TMEM225B: variants seen among roughly 807,000 people sequenced by gnomAD.
TMEM225B encodes transmembrane protein 225-like.
Under a neutral mutation model 16.9 loss-of-function variants are expected in TMEM225B, and 10 were observed. The ratio of observed to expected loss-of-function variants is 0.59; its 90% CI spans 0.36 to 1.00. TMEM225B has a LOEUF of 1.00. Among genes scored for constraint, TMEM225B ranks in the 50% least tolerant of loss-of-function variants. The pLI, the probability that TMEM225B is intolerant of heterozygous loss-of-function variation, is 0.01. For missense variants in TMEM225B, 217 were observed against 267.0 expected (o/e 0.81, Z 1.30); for synonymous variants, 92 against 109.8 (o/e 0.84, Z 1.01).
intron 5 of TMEM225B, among the ~76,000 whole-genome samples, chr7:99,608,398 G>T (rs74347626): frequency 0.064 from 9,719 of 152,022 alleles, 398 homozygotes; most frequent in African/African-American, 0.12. Context: ...TCTGCAGAAC[G>T]TTCTACCTGA....
intron 4 of TMEM225B, 81 bp from the exon 5 acceptor site, chr7:99,607,592 C>T (rs1805925196): frequency 7.1e-7 from 1 of 1,399,646 alleles, no homozygotes; most frequent in Non-Finnish European, 9.4e-7. Context: ...AGCCTCCAGG[C>T]AGGAGCCACA....
chr7:99,606,848 G>A lies in TMEM225B; in HGVS notation c.309G>A (p.Arg103=). 1 of 1,536,112 alleles carries A rather than the reference G, an allele frequency of 6.5e-7. No homozygotes were observed. Among genetic ancestry groups the A allele is most frequent in the South Asian group, 1.2e-5 (1 of 84,060 alleles). Residue 103 remains arginine, a synonymous_variant, in exon 4 of 6, where the codon AGG becomes AGA. Coordinates refer to ENST00000431679, the MANE Select transcript of TMEM225B (RefSeq NM_001195541.3). The stretch of plus-strand genomic sequence containing the variant: ...CCTTTGCATCCGAGTTCTTCCCGAG[G>A]ACCTGGAAGCAAAACTTTGTGTTAG... The part of the protein sequence containing the change: ...MMPFASEFFP[R]TWKQNFVLAC...
At chr7:99,604,710 AG>A (rs1805650313) in intron 3 of TMEM225B, 114 bp downstream of exon 3, 2 of 837,722 alleles carry the variant, frequency 2.4e-6, no homozygotes, top group African/African-American at 3.4e-5. Flanking sequence ...TAATTAGCTC[AG>A]GGCTGGATGC....
At chr7:99,602,554 G>C (rs967214829) in intron 2 of TMEM225B, among the ~76,000 whole-genome samples, 12 of 152,102 alleles carry the variant, frequency 7.9e-5, no homozygotes, top group African/African-American at 2.9e-4. Flanking sequence ...CCTTAGGCAG[G>C]TGTTATATCC....
At chr7:99,607,851 T>A (rs1445678998) in intron 5 of TMEM225B, 41 bp downstream of exon 5, 1 of 1,527,606 alleles carries the variant, frequency 6.5e-7, no homozygotes, top group East Asian at 2.5e-5. Context: ...TTGTCCTCGG[T>A]CTGGATTTAG....
Position 99,611,004 on chromosome 7 carries a change from T to C in TMEM225B, c.*439T>C, listed in dbSNP as rs1806286125. Among the ~76,000 whole-genome samples the C allele has an allele frequency of 6.6e-6, 1 of 152,118 alleles. No individual in the cohort carries two copies. The highest frequency in any genetic ancestry group is 2.4e-5 in the African/African-American group (1 of 41,424). On this transcript the variant is annotated 3_prime_UTR_variant, in exon 6 of 6. Transcript: ENST00000431679. The stretch of plus-strand genomic sequence containing the variant: ...GTAAAAGAATTTACCAAGACGGTTG[T>C]AGATAAAGAAAGGCAGATTTATTAA...
chr7:99,609,629 T>G (rs1031226391), intron 5 of TMEM225B, among the ~76,000 whole-genome samples: 3 of 151,852 alleles, frequency 2.0e-5, no homozygotes, highest in East Asian at 1.9e-4. Flanking sequence ...AGAGATGGGG[T>G]TTCACCATGT....
At position 99,610,691 on chromosome 7, in the gene TMEM225B, CT is replaced by C; in HGVS notation, c.*127del. 1 of 705,544 alleles carries C rather than the reference CT, an allele frequency of 1.4e-6. No individual in the cohort carries two copies. The highest frequency in any genetic ancestry group is 2.1e-5 in the South Asian group (1 of 47,106). The allele number at this position is 705,544 out of a possible 1,614,324, so 43.7% of individuals were successfully genotyped here. ...AGGAGCTTCTTGCGTGTCAGATCAA[CT>C]CTCCACCTCCCCATACTCACAGTGA... On this transcript the variant is annotated 3_prime_UTR_variant, in exon 6 of 6. Coordinates refer to ENST00000431679, the MANE Select transcript of TMEM225B (RefSeq NM_001195541.3).
chr7:99,603,783 AC>A (rs1805558631), intron 2 of TMEM225B, among the ~76,000 whole-genome samples: 1 of 146,066 alleles, frequency 6.8e-6, no homozygotes, highest in African/African-American at 2.5e-5. Flanking sequence ...TTTTTTTGAG[AC>A]AAGGTCTTGC....
intron 2 of TMEM225B, among the ~76,000 whole-genome samples, chr7:99,603,518 G>A (rs928930637): frequency 5.9e-5 from 9 of 151,766 alleles, no homozygotes; most frequent in Non-Finnish European, 7.4e-5. Context: ...ATGGTGAAAC[G>A]CTGTCTCTAC....
rs1355561520 is a variant in TMEM225B, at chr7:99,600,210, C to G, written c.-79C>G. 8.5e-6 allele frequency: 6 copies of G among 703,004 alleles called. No homozygotes were observed. Among genetic ancestry groups the G allele is most frequent in the South Asian group, 5.9e-5 (4 of 67,602 alleles). The allele number at this position is 703,004 out of a possible 1,614,324, so 43.5% of individuals were successfully genotyped here. A position where few individuals can be genotyped will look rare whatever the true frequency, so the allele number is the denominator to read the frequency against. On this transcript the variant is annotated 5_prime_UTR_variant, in exon 2 of 6. Coordinates refer to ENST00000431679, the MANE Select transcript of TMEM225B (RefSeq NM_001195541.3). Reference sequence around the variant, plus strand: ...TTCTGTGTCTCTCTCCCTAGCAGTTCCAAGAGCCTCTGAGTTCCTGCCTTT... The same window carrying G: ...TTCTGTGTCTCTCTCCCTAGCAGTTGCAAGAGCCTCTGAGTTCCTGCCTTT...
chr7:99,604,690 G>C (rs1805649217), intron 3 of TMEM225B, 94 bp downstream of exon 3: 1 of 1,019,470 alleles, frequency 9.8e-7, no homozygotes, highest in African/African-American at 1.6e-5. Context: ...GGAGCAGAGA[G>C]GACAAAATCT....
rs1357810663 is a variant in TMEM225B, at chr7:99,607,659, C to T, written c.356-14C>T. 3 of 1,533,834 alleles carry T rather than the reference C, an allele frequency of 2.0e-6. No individual in the cohort carries two copies. The African/African-American group carries it at 4.1e-5, about 21-fold the overall frequency. ...ATGGGAGGAGACCGAGGGTGTCTCC[C>T]TGTGACCCTCCAGGGGCCTGTGCCT... On this transcript the variant is annotated splice_polypyrimidine_tract_variant and intron_variant, in intron 4 of 5. Transcript: ENST00000431679.
chr7:99,601,895 T>A (rs1805402042), intron 2 of TMEM225B, among the ~76,000 whole-genome samples: 1 of 152,088 alleles, frequency 6.6e-6, no homozygotes, highest in East Asian at 1.9e-4. Flanking sequence ...GGGGATTGGG[T>A]AGAGGCCCCA....
At chr7:99,609,341 T>C (rs1806140724) in intron 5 of TMEM225B, among the ~76,000 whole-genome samples, 1 of 152,200 alleles carries the variant, frequency 6.6e-6, no homozygotes, top group Admixed American at 6.5e-5. Context: ...CTTTTAGTGG[T>C]AGAGTAGTCT....
At chr7:99,608,126 A>G (rs918410822) in intron 5 of TMEM225B, among the ~76,000 whole-genome samples, 17 of 152,214 alleles carry the variant, frequency 1.1e-4, no homozygotes, top group Non-Finnish European at 2.1e-4. Context: ...GTGATGGCAC[A>G]TGTCTGCAAT....
At chr7:99,608,858 T>TATATATATATATACACACACAC (rs536627768) in intron 5 of TMEM225B, among the ~76,000 whole-genome samples, 1 of 144,388 alleles carries the variant, frequency 6.9e-6, no homozygotes, top group African/African-American at 2.8e-5. Flanking sequence ...TATATATATA[T>TATATATATATATACACACACAC]ACACACACAC....
At chr7:99,600,461 A>T (rs1180678781) in intron 2 of TMEM225B, among the ~76,000 whole-genome samples, 176 bp downstream of exon 2, 2 of 152,182 alleles carry the variant, frequency 1.3e-5, no homozygotes, top group Non-Finnish European at 2.9e-5. Flanking sequence ...CTGCTAATAA[A>T]GACATACCCA....
intron 1 of TMEM225B, among the ~76,000 whole-genome samples, 166 bp from the exon 2 acceptor site, chr7:99,600,039 C>G (rs958724696): frequency 3.3e-5 from 5 of 152,122 alleles, no homozygotes; most frequent in African/African-American, 9.7e-5. Flanking sequence ...GGACTGGTGC[C>G]CAGGGAAAGG....
Sources: gnomAD v4.1 joint callset for allele counts (sites outside exome capture counted in the v4.1 genomes callset) on GRCh38, gnomAD v4.1.1 for gene constraint, MANE v1.5 for transcripts, NCBI Gene and HGNC (gene_info 2026-07-23, HGNC 2026-07-21) for gene names.